GRM7: variants seen among roughly 807,000 people sequenced by gnomAD.
GRM7 encodes metabotropic glutamate receptor 7.
Under a neutral mutation model 84.5 loss-of-function variants are expected in GRM7, and 35 were observed. The ratio of observed to expected loss-of-function variants is 0.41; its 90% CI spans 0.32 to 0.55. GRM7 has a LOEUF of 0.55. GRM7 is among the 20% of genes least tolerant of loss of function. GRM7 has a pLI of 0.19. For synonymous variants in GRM7, 487 were observed against 455.1 expected, an observed-to-expected ratio of 1.07 and a Z score of -0.89; for missense variants, 1,003 against 1,194.6, an observed-to-expected ratio of 0.84 and a Z score of 2.36.
At chr3:7,646,600 A>T (rs1313147104) in intron 8 of GRM7, among the ~76,000 whole-genome samples, 3 of 152,142 alleles carry the variant, frequency 2.0e-5, no homozygotes, top group Non-Finnish European at 4.4e-5. Context: ...AGGCCCAAAG[A>T]TATGCTTGTA....
At chr3:7,645,493 G>A (rs772601709) in intron 8 of GRM7, among the ~76,000 whole-genome samples, 3 of 145,002 alleles carry the variant, frequency 2.1e-5, no homozygotes, top group Non-Finnish European at 4.5e-5. Context: ...GTTGCAGTGA[G>A]CCGAGGTTGC....
chr3:7,644,966 C>T lies in GRM7; in HGVS notation c.2452-35083C>T, dbSNP rs144903236. Among the ~76,000 whole-genome samples, 15 of 152,180 alleles carry T rather than the reference C, an allele frequency of 9.9e-5. No individual in the cohort carries two copies. The East Asian group carries it at 2.9e-3, about 30-fold the overall frequency. On this transcript the variant is annotated intron_variant, in intron 8 of 9. Transcript: ENST00000357716. ...TCTCCACTGAGACTCACAGACTGCC[C>T]TTGAAGCTTCATTGACCAGGAACAT...
chr3:7,493,287 A>G (rs1488761742), intron 7 of GRM7, among the ~76,000 whole-genome samples: 1 of 151,710 alleles, frequency 6.6e-6, no homozygotes, highest in Non-Finnish European at 1.5e-5. Flanking sequence ...GTAATTGTGG[A>G]TTTGTCTATT....
At chr3:7,582,521 G>A (rs992820847) in intron 8 of GRM7, among the ~76,000 whole-genome samples, 4 of 152,048 alleles carry the variant, frequency 2.6e-5, no homozygotes, top group South Asian at 2.1e-4. Context: ...TAGGAGGACC[G>A]TGAGAAGAGG....
At position 7,677,281 on chromosome 3, in the gene GRM7, A is replaced by C. The variant is rs28448580; in HGVS notation, c.2452-2768A>C. ...TGTCTTTAAAAAAAAAAAAAAAAAA[A>C]AAAAAAAAAAAAACTTACATATTAC... On this transcript the variant is annotated intron_variant, in intron 8 of 9. Coordinates refer to ENST00000357716, the MANE Select transcript of GRM7 (RefSeq NM_000844.4). Among the ~76,000 whole-genome samples, 594 of 150,602 alleles carry C rather than the reference A, an allele frequency of 3.9e-3. 8 individuals are homozygous for C. Among genetic ancestry groups the C allele is most frequent in the African/African-American group, 9.6e-3 (390 of 40,544 alleles).
In GRM7 at chr3:7,672,628, G is replaced by A. The variant is rs535006559; in HGVS notation, c.2452-7421G>A. Among the ~76,000 whole-genome samples the A allele has an allele frequency of 1.9e-3, 260 of 138,658 alleles. 1 individual carries two copies. The highest frequency in any genetic ancestry group is 6.6e-3 in the African/African-American group (241 of 36,680). The allele number at this position is 138,658 out of a possible 152,430, so 91.0% of individuals were successfully genotyped here. A position where few individuals can be genotyped will look rare whatever the true frequency, so the allele number is the denominator to read the frequency against. On this transcript the variant is annotated intron_variant, in intron 8 of 9. Coordinates refer to ENST00000357716, the MANE Select transcript of GRM7 (RefSeq NM_000844.4). ...TTTTTTTTTTTTTTTTTTTTGAGAC[G>A]GAGTCTCGCTCTGTCACCCAGGCTG...
At chr3:7,218,892 T>C (rs1347916834) in intron 2 of GRM7, among the ~76,000 whole-genome samples, 1 of 152,108 alleles carries the variant, frequency 6.6e-6, no homozygotes, top group Non-Finnish European at 1.5e-5. Flanking sequence ...GGGGTACAAG[T>C]AGTTTGTGAT....
At chr3:7,261,007 T>C (rs1698400700) in intron 2 of GRM7, among the ~76,000 whole-genome samples, 1 of 152,222 alleles carries the variant, frequency 6.6e-6, no homozygotes, top group Non-Finnish European at 1.5e-5. Context: ...TCCCTCTGAA[T>C]ATCTGCTAGG....
chr3:7,323,517 A>C (rs765823762), intron 4 of GRM7, among the ~76,000 whole-genome samples: 1 of 152,164 alleles, frequency 6.6e-6, no homozygotes, highest in Non-Finnish European at 1.5e-5. Context: ...GATTAATATG[A>C]TATCATCAAT....
chr3:7,035,115 C>G (rs1158360065), intron 1 of GRM7, among the ~76,000 whole-genome samples: 1 of 152,102 alleles, frequency 6.6e-6, no homozygotes, highest in Admixed American at 6.5e-5. Flanking sequence ...AGCTGCACCC[C>G]CAAGAGCACT....
intron 1 of GRM7, among the ~76,000 whole-genome samples, chr3:6,997,851 G>A (rs1575113073): frequency 6.6e-6 from 1 of 151,998 alleles, no homozygotes. Context: ...GCAAGTTAGG[G>A]CCAGGTGTCT....
At position 6,952,327 on chromosome 3, in the gene GRM7, G is replaced by T. The variant is rs111788546; in HGVS notation, c.519+90420G>T. ...AGGCATGATTTCAGGGCCTGTGTGC[G>T]CCTATTACCTCTAAACCTTGTTTTT... On this transcript the variant is annotated intron_variant, in intron 1 of 9. Coordinates refer to ENST00000357716, the MANE Select transcript of GRM7 (RefSeq NM_000844.4). Among the ~76,000 whole-genome samples, 196 of 151,902 alleles carry T rather than the reference G, an allele frequency of 1.3e-3. 1 individual carries two copies. The highest frequency in any genetic ancestry group is 4.6e-3 in the African/African-American group (192 of 41,530).
At chr3:7,648,220 G>A (rs1237656255) in intron 8 of GRM7, among the ~76,000 whole-genome samples, 1 of 150,398 alleles carries the variant, frequency 6.6e-6, no homozygotes, top group African/African-American at 2.5e-5. Context: ...TCTTAATATG[G>A]CTATTATTTT....
At chr3:7,032,028 G>A (rs1464275401) in intron 1 of GRM7, among the ~76,000 whole-genome samples, 1 of 152,254 alleles carries the variant, frequency 6.6e-6, no homozygotes, top group East Asian at 1.9e-4. Context: ...TATGTCCAAC[G>A]GAAGGATTTG....
chr3:7,019,205 G>C (rs7636104), intron 1 of GRM7, among the ~76,000 whole-genome samples: 23,945 of 152,178 alleles, frequency 0.16, 6,325 homozygotes, highest in African/African-American at 0.54. Flanking sequence ...TGAGAGCAAT[G>C]TAGTTTCTCA....
chr3:7,468,925 A>G (rs1379461720), intron 7 of GRM7, among the ~76,000 whole-genome samples: 1 of 152,200 alleles, frequency 6.6e-6, no homozygotes, highest in Non-Finnish European at 1.5e-5. Flanking sequence ...TTTATAAATT[A>G]TCCATTCTCA....
intron 7 of GRM7, among the ~76,000 whole-genome samples, chr3:7,577,844 T>C (rs1465559968): frequency 6.6e-6 from 1 of 152,186 alleles, no homozygotes; most frequent in Non-Finnish European, 1.5e-5. Context: ...AAGTTCTCAG[T>C]GAAAATGACA....
chr3:7,694,387 T>TGATATTCTTCTATTTGGTC, intron 9 of GRM7: 1 of 943,136 alleles, frequency 1.1e-6, no homozygotes, highest in Non-Finnish European at 1.3e-6. Context: ...GATTCCCATC[T>TGATATTCTTCTATTTGGTC]GATATTCTTC....
At chr3:7,481,161 A>G (rs1443747079) in intron 7 of GRM7, among the ~76,000 whole-genome samples, 1 of 151,824 alleles carries the variant, frequency 6.6e-6, no homozygotes, top group Non-Finnish European at 1.5e-5. Context: ...TTATTGCAGC[A>G]TCAATCTCCC....
Sources: gnomAD v4.1 joint callset for allele counts (sites outside exome capture counted in the v4.1 genomes callset) on GRCh38, gnomAD v4.1.1 for gene constraint, MANE v1.5 for transcripts, NCBI Gene and HGNC (gene_info 2026-07-23, HGNC 2026-07-21) for gene names.